TMTC2: variants seen among roughly 807,000 people sequenced by gnomAD.
TMTC2 encodes the protein protein O-mannosyl-transferase TMTC2.
Under a neutral mutation model 82.4 loss-of-function variants are expected in TMTC2, and 43 were observed. That is an observed-to-expected ratio of 0.52 (90% confidence interval 0.41 to 0.67). TMTC2 has a LOEUF of 0.67. TMTC2 is among the 30% of genes least tolerant of loss of function. TMTC2 has a pLI of 0.00. For synonymous variants in TMTC2, 408 were observed against 381.9 expected, an observed-to-expected ratio of 1.07 and a Z score of -0.80; for missense variants, 919 against 1,012.4, an observed-to-expected ratio of 0.91 and a Z score of 1.25.
intron 2 of TMTC2, among the ~76,000 whole-genome samples, chr12:82,887,968 A>G (rs1873187653): frequency 6.6e-6 from 1 of 152,100 alleles, no homozygotes; most frequent in African/African-American, 2.4e-5. Flanking sequence ...AATTCCACCT[A>G]CTCAGGAGGC....
chr12:82,843,716 G>A (rs929474704), intron 1 of TMTC2, among the ~76,000 whole-genome samples: 8 of 152,094 alleles, frequency 5.3e-5, no homozygotes, highest in African/African-American at 1.7e-4. Flanking sequence ...GGGAGTCCGG[G>A]GCGGGTGGAT....
intron 1 of TMTC2, among the ~76,000 whole-genome samples, chr12:82,711,850 A>G (rs918514869): frequency 6.6e-6 from 1 of 152,236 alleles, no homozygotes; most frequent in Non-Finnish European, 1.5e-5. Context: ...GTTGATTATC[A>G]TTACACATAG....
At chr12:82,758,348 G>A (rs1876446392) in intron 1 of TMTC2, among the ~76,000 whole-genome samples, 1 of 152,024 alleles carries the variant, frequency 6.6e-6, no homozygotes, top group Non-Finnish European at 1.5e-5. Flanking sequence ...AGTTATCTTT[G>A]TTGTAGTATG....
chr12:82,764,974 C>CGGCG (rs1555183510), intron 1 of TMTC2, among the ~76,000 whole-genome samples: 1 of 145,022 alleles, frequency 6.9e-6, no homozygotes, highest in Non-Finnish European at 1.5e-5. Flanking sequence ...GTCTGGTGGG[C>CGGCG]GGGGGGGTGA....
At chr12:82,914,093 G>A (rs907613953) in intron 3 of TMTC2, among the ~76,000 whole-genome samples, 7 of 152,148 alleles carry the variant, frequency 4.6e-5, no homozygotes, top group African/African-American at 1.7e-4. Flanking sequence ...AGCAAAGAAG[G>A]CAAAGAAAAT....
intron 11 of TMTC2, among the ~76,000 whole-genome samples, chr12:83,063,761 G>A (rs551604278): frequency 4.6e-5 from 7 of 152,014 alleles, no homozygotes; most frequent in Admixed American, 2.6e-4. Flanking sequence ...ACTTTAGGCA[G>A]TGGCTATACA....
At chr12:82,700,324 T>C (rs1443684901) in intron 1 of TMTC2, among the ~76,000 whole-genome samples, 1 of 152,252 alleles carries the variant, frequency 6.6e-6, no homozygotes, top group African/African-American at 2.4e-5. Flanking sequence ...AAATATTTCT[T>C]TTAAATTATT....
In TMTC2 at chr12:83,132,243, C is replaced by T; in HGVS notation, c.2365C>T (p.Leu789=). Residue 789 remains leucine, a synonymous_variant, in exon 12 of 12, where the codon CTG becomes TTG. Transcript: ENST00000321196. The part of the protein sequence containing the change: ...PAALMNLGAI[L]HLNGRLQKAE... Reference sequence around the variant, plus strand: ...TGCTTTGATGAACCTGGGAGCCATTCTGCACCTCAATGGCAGACTCCAGAA... The same window carrying T: ...TGCTTTGATGAACCTGGGAGCCATTTTGCACCTCAATGGCAGACTCCAGAA... 1 of 1,613,598 alleles carries T rather than the reference C, an allele frequency of 6.2e-7. No homozygotes were observed. Among genetic ancestry groups the T allele is most frequent in the South Asian group, 1.1e-5 (1 of 90,978 alleles).
intron 2 of TMTC2, among the ~76,000 whole-genome samples, chr12:82,883,480 G>A (rs1199919): frequency 0.23 from 35,254 of 151,958 alleles, 5,303 homozygotes; most frequent in African/African-American, 0.43. Flanking sequence ...GTCTATTATG[G>A]TATCTTTGAG....
At chr12:82,787,863 C>A (rs1286029334) in intron 1 of TMTC2, among the ~76,000 whole-genome samples, 1 of 151,856 alleles carries the variant, frequency 6.6e-6, no homozygotes, top group East Asian at 1.9e-4. Flanking sequence ...GTGAGCCAAG[C>A]TATCACGCCA....
At chr12:82,967,615 A>G (rs1378493222) in intron 7 of TMTC2, among the ~76,000 whole-genome samples, 3 of 152,048 alleles carry the variant, frequency 2.0e-5, no homozygotes, top group Admixed American at 1.3e-4. Context: ...GTAAATTGTT[A>G]CTACAGCTGT....
At chr12:83,006,159 C>T (rs763879130) in intron 8 of TMTC2, among the ~76,000 whole-genome samples, 10 of 152,116 alleles carry the variant, frequency 6.6e-5, no homozygotes, top group Non-Finnish European at 1.5e-5. Flanking sequence ...TCCTTAGGAG[C>T]CATTCAGGGC....
intron 3 of TMTC2, among the ~76,000 whole-genome samples, chr12:82,928,661 T>A (rs1350922835): frequency 6.6e-6 from 1 of 152,036 alleles, no homozygotes; most frequent in East Asian, 1.9e-4. Flanking sequence ...CGGATTAGAG[T>A]TTTTGCTGTA....
chr12:82,688,899 T>G (rs1388470543), intron 1 of TMTC2, among the ~76,000 whole-genome samples: 1 of 152,212 alleles, frequency 6.6e-6, no homozygotes, highest in Non-Finnish European at 1.5e-5. Flanking sequence ...CCCATTCTCC[T>G]GCTAAAAGCA....
chr12:82,948,145 C>T (rs1296363517), intron 4 of TMTC2, among the ~76,000 whole-genome samples: 1 of 152,174 alleles, frequency 6.6e-6, no homozygotes, highest in Non-Finnish European at 1.5e-5. Flanking sequence ...GCACGAGGGT[C>T]ACTTGAGCCC....
chr12:82,735,592 T>A (rs554367517), intron 1 of TMTC2, among the ~76,000 whole-genome samples: 2 of 151,378 alleles, frequency 1.3e-5, no homozygotes, highest in East Asian at 4.0e-4. Context: ...TGATCCGCCC[T>A]CCTTGGCCTC....
chr12:83,092,371 C>A (rs936908984), intron 11 of TMTC2, among the ~76,000 whole-genome samples: 3 of 152,148 alleles, frequency 2.0e-5, no homozygotes, highest in Non-Finnish European at 4.4e-5. Flanking sequence ...GCATGTCTGT[C>A]CCAGTGTGTT....
intron 3 of TMTC2, among the ~76,000 whole-genome samples, chr12:82,908,017 CAGA>C (rs2137203467): frequency 6.6e-6 from 1 of 152,182 alleles, no homozygotes; most frequent in African/African-American, 2.4e-5. Flanking sequence ...GAGCCTGAGG[CAGA>C]AGAATTGCTT....
intron 1 of TMTC2, among the ~76,000 whole-genome samples, chr12:82,823,017 T>C (rs1374749471): frequency 6.6e-6 from 1 of 152,190 alleles, no homozygotes; most frequent in Admixed American, 6.5e-5. Flanking sequence ...TTTGAAAAGG[T>C]GTTAAGAGAA....
Sources: gnomAD v4.1 joint callset for allele counts (sites outside exome capture counted in the v4.1 genomes callset) on GRCh38, gnomAD v4.1.1 for gene constraint, MANE v1.5 for transcripts, NCBI Gene and HGNC (gene_info 2026-07-23, HGNC 2026-07-21) for gene names.